The following NRG3 variants were observed in gnomAD, a reference collection of about 807,000 sequenced individuals.
NRG3 encodes the protein neuregulin 3, also known as pro-neuregulin-3, membrane-bound isoform.
Under a neutral mutation model 66.9 loss-of-function variants are expected in NRG3, and 31 were observed. The observed-to-expected ratio is 0.46, with a 90% CI of 0.35 to 0.63. The LOEUF (loss-of-function observed/expected upper bound fraction) is 0.63. Ranked by LOEUF, NRG3 falls within the 20% of genes least tolerant of loss-of-function variation. The pLI, the probability that NRG3 is intolerant of heterozygous loss-of-function variation, is 0.00. For missense variants in NRG3, 910 were observed against 878.9 expected (o/e 1.04, Z -0.45); for synonymous variants, 393 against 359.4 (o/e 1.09, Z -1.06).
chr10:81,888,635 T>C (rs1842794228), intron 1 of NRG3, among the ~76,000 whole-genome samples: 1 of 152,090 alleles, frequency 6.6e-6, no homozygotes, highest in East Asian at 1.9e-4. Flanking sequence ...GGAAAGGTCA[T>C]TAATAAAGGT....
At chr10:82,151,691 G>A (rs895249603) in intron 1 of NRG3, among the ~76,000 whole-genome samples, 4 of 136,964 alleles carry the variant, frequency 2.9e-5, no homozygotes, top group East Asian at 4.0e-4. Context: ...GGCAAACTGA[G>A]CCTTGTTTTT....
chr10:82,803,832 C>T (rs534754333), intron 3 of NRG3, among the ~76,000 whole-genome samples: 1 of 152,254 alleles, frequency 6.6e-6, no homozygotes, highest in South Asian at 2.1e-4. Flanking sequence ...TTTGAACACA[C>T]GAAGTAGTCC....
chr10:82,893,434 A>T (rs1843352120), intron 4 of NRG3, among the ~76,000 whole-genome samples: 2 of 152,232 alleles, frequency 1.3e-5, no homozygotes, highest in Admixed American at 6.5e-5. Context: ...TCACGCCTGT[A>T]ATCCCAGCAC....
At chr10:82,178,040 C>T (rs1202589888) in intron 1 of NRG3, among the ~76,000 whole-genome samples, 3 of 151,766 alleles carry the variant, frequency 2.0e-5, no homozygotes, top group East Asian at 3.9e-4. Flanking sequence ...GTGGGTCTTA[C>T]CCATCAATAT....
At chr10:81,984,669 T>C (rs1010336927) in intron 1 of NRG3, among the ~76,000 whole-genome samples, 1 of 152,236 alleles carries the variant, frequency 6.6e-6, no homozygotes, top group African/African-American at 2.4e-5. Context: ...TCCACAGACA[T>C]AAATGTTTGC....
chr10:82,247,839 C>A (rs180842032), intron 1 of NRG3, among the ~76,000 whole-genome samples: 82 of 152,244 alleles, frequency 5.4e-4, no homozygotes, highest in Middle Eastern at 6.8e-3. Flanking sequence ...TTTAAATAAT[C>A]AAAACGTGTT....
At chr10:82,526,485 T>C (rs1846709841) in intron 2 of NRG3, among the ~76,000 whole-genome samples, 2 of 151,864 alleles carry the variant, frequency 1.3e-5, no homozygotes, top group African/African-American at 4.8e-5. Context: ...TTATAAGATA[T>C]ATGTGTTATT....
intron 2 of NRG3, among the ~76,000 whole-genome samples, chr10:82,713,112 T>C (rs895217549): frequency 2.2e-5 from 2 of 89,538 alleles, no homozygotes; most frequent in African/African-American, 4.6e-5. Context: ...AGAATGAGAC[T>C]TCATCTCAAA....
At chr10:82,694,932 A>G (rs991904005) in intron 2 of NRG3, among the ~76,000 whole-genome samples, 1 of 152,186 alleles carries the variant, frequency 6.6e-6, no homozygotes, top group African/African-American at 2.4e-5. Flanking sequence ...GACAACATCA[A>G]TAGGATTTTA....
intron 3 of NRG3, among the ~76,000 whole-genome samples, chr10:82,772,832 A>T (rs562094751): frequency 6.6e-6 from 1 of 150,988 alleles, no homozygotes; most frequent in South Asian, 2.1e-4. Context: ...CAGCCTCCCA[A>T]GTAGGTGGGG....
At chr10:82,597,460 T>C (rs2047353338) in intron 2 of NRG3, among the ~76,000 whole-genome samples, 1 of 152,186 alleles carries the variant, frequency 6.6e-6, no homozygotes, top group African/African-American at 2.4e-5. Context: ...TATCAAATAT[T>C]TCTGTCTTTA....
intron 1 of NRG3, among the ~76,000 whole-genome samples, chr10:82,232,099 C>A (rs1403851121): frequency 1.3e-5 from 2 of 152,120 alleles, no homozygotes; most frequent in Non-Finnish European, 2.9e-5. Context: ...ATCAGATGTT[C>A]AGTTGGCTGG....
intron 1 of NRG3, among the ~76,000 whole-genome samples, chr10:82,170,653 G>GGC (rs2072500103): frequency 2.0e-5 from 1 of 49,366 alleles, no homozygotes; most frequent in Non-Finnish European, 4.2e-5. Context: ...TAAAACTTGT[G>GGC]GTATATATAT....
In NRG3 at chr10:82,248,378, C is replaced by T. The variant is rs79650600; in HGVS notation, c.824-110361C>T. On this transcript the variant is annotated intron_variant, in intron 1 of 8. Transcript: ENST00000372141. ...TGCCCTCTCCATTCCCACTGTGACT[C>T]CTCAGTTTTAGGCTGTCATCATTTC... Among the ~76,000 whole-genome samples the T allele has an allele frequency of 5.3e-3, 807 of 152,290 alleles. 9 individuals are homozygous for T. Among genetic ancestry groups the T allele is most frequent in the African/African-American group, 0.019 (775 of 41,554 alleles).
At chr10:82,367,307 C>T (rs1482143965) in intron 2 of NRG3, among the ~76,000 whole-genome samples, 1 of 152,136 alleles carries the variant, frequency 6.6e-6, no homozygotes, top group African/African-American at 2.4e-5. Flanking sequence ...TGTAGCTATG[C>T]AAAACCTAAA....
chr10:82,523,758 A>G (rs1022926279), intron 2 of NRG3, among the ~76,000 whole-genome samples: 1 of 152,112 alleles, frequency 6.6e-6, no homozygotes, highest in Non-Finnish European at 1.5e-5. Flanking sequence ...AAAAGTCTCC[A>G]TAAGGTATTT....
At chr10:82,910,404 G>A (rs1845208930) in intron 4 of NRG3, among the ~76,000 whole-genome samples, 1 of 152,228 alleles carries the variant, frequency 6.6e-6, no homozygotes, top group South Asian at 2.1e-4. Flanking sequence ...AACTGCACCA[G>A]GATGTGCTAA....
chr10:82,804,018 C>T (rs551794731), intron 3 of NRG3, among the ~76,000 whole-genome samples: 13 of 152,228 alleles, frequency 8.5e-5, no homozygotes, highest in Admixed American at 3.9e-4. Context: ...CCAGCACATC[C>T]GCGCCATCCG....
intron 1 of NRG3, among the ~76,000 whole-genome samples, chr10:81,936,306 G>C (rs747443819): frequency 1.6e-4 from 24 of 152,282 alleles, no homozygotes; most frequent in Non-Finnish European, 2.9e-4. Context: ...GAACATTCAA[G>C]AAACAGTGAA....
Sources: gnomAD v4.1 joint callset for allele counts (sites outside exome capture counted in the v4.1 genomes callset) on GRCh38, gnomAD v4.1.1 for gene constraint, MANE v1.5 for transcripts, NCBI Gene and HGNC (gene_info 2026-07-23, HGNC 2026-07-21) for gene names.